NLGN4X: variants seen among roughly 807,000 people sequenced by gnomAD.
NLGN4X encodes neuroligin 4 X-linked.
In NLGN4X, 3 loss-of-function variants were observed where a neutral mutation model predicts 40.3. The ratio of observed to expected loss-of-function variants is 0.07; its 90% confidence interval spans 0.03 to 0.19. The LOEUF is 0.19. NLGN4X is among the 10% of genes least tolerant of loss of function. NLGN4X has a pLI of 1.00. For synonymous variants in NLGN4X, 270 were observed against 306.8 expected (o/e 0.88, Z 1.25); for missense variants, 382 against 708.3 (o/e 0.54, Z 5.23).
At position 6,071,375 on chromosome X, in the gene NLGN4X, A is replaced by G. The variant is rs943528459; in HGVS notation, c.473-41943T>C. ...TTAGCGGTGGGGCGGGGGGAGAGTA[A>G]TACGCCCATTTTAGGTTAACTTTAT... On this transcript the variant is annotated intron_variant, in intron 2 of 5. Transcript: ENST00000381095. 2.7e-5 allele frequency among the ~76,000 whole-genome samples: 3 copies of G among 111,388 alleles called. No individual in the cohort carries two copies. The Admixed American group carries it at 2.9e-4, about 11-fold the overall frequency.
At chrX:5,906,878 G>T in intron 4 of NLGN4X, among the ~76,000 whole-genome samples, 1 of 110,895 alleles carries the variant, frequency 9.0e-6, no homozygotes, top group East Asian at 2.8e-4. Flanking sequence ...CAGGAAGTTC[G>T]AGACTAGCCT....
chrX:6,102,725 T>C (rs897146197), intron 2 of NLGN4X, among the ~76,000 whole-genome samples: 1 of 110,518 alleles, frequency 9.0e-6, no homozygotes, highest in Non-Finnish European at 1.9e-5. Flanking sequence ...ATAGATAAGA[T>C]AGATCGATAT....
chrX:5,895,863 GA>G, intron 5 of NLGN4X, among the ~76,000 whole-genome samples: 1 of 111,374 alleles, frequency 9.0e-6, no homozygotes, highest in Non-Finnish European at 1.9e-5. Flanking sequence ...ACATGGTTTT[GA>G]AAAAATGTTG....
intron 3 of NLGN4X, among the ~76,000 whole-genome samples, chrX:6,024,296 G>T (rs1320001013): frequency 1.8e-5 from 2 of 111,735 alleles, no homozygotes; most frequent in African/African-American, 6.5e-5. Flanking sequence ...GCTCAGCAAG[G>T]ATTTTGCTGG....
At chrX:6,155,316 C>G (rs1208070492) in intron 1 of NLGN4X, among the ~76,000 whole-genome samples, 1 of 111,936 alleles carries the variant, frequency 8.9e-6, no homozygotes. Flanking sequence ...AAAACAAAAG[C>G]AACAGAATCT....
At chrX:6,147,685 C>T (rs920205237) in intron 2 of NLGN4X, among the ~76,000 whole-genome samples, 1 of 109,100 alleles carries the variant, frequency 9.2e-6, no homozygotes, top group African/African-American at 3.3e-5. Flanking sequence ...CTGTCACATA[C>T]ACACACACAC....
At chrX:5,901,738 C>G (rs1466560255) in intron 5 of NLGN4X, among the ~76,000 whole-genome samples, 1 of 107,855 alleles carries the variant, frequency 9.3e-6, no homozygotes, top group Non-Finnish European at 1.9e-5. Context: ...TTTTCTCTCT[C>G]TAGTTATTTA....
chrX:6,068,302 C>A (rs2037975471), intron 2 of NLGN4X, among the ~76,000 whole-genome samples: 1 of 111,686 alleles, frequency 9.0e-6, no homozygotes, highest in South Asian at 3.8e-4. Context: ...CATAGGTTTG[C>A]CAGCTCCTGA....
At chrX:5,916,989 C>T (rs41497347) in intron 3 of NLGN4X, among the ~76,000 whole-genome samples, 8,116 of 112,113 alleles carry the variant, frequency 0.072, 720 homozygotes, top group African/African-American at 0.25. Context: ...CCCATGTGAC[C>T]TTCTCAAGGG....
chrX:5,922,122 T>C (rs2033093449), intron 3 of NLGN4X, among the ~76,000 whole-genome samples: 2 of 111,767 alleles, frequency 1.8e-5, no homozygotes, highest in Non-Finnish European at 3.8e-5. Context: ...TTTTTCTCTC[T>C]CTTTTTGCTT....
chrX:5,976,495 G>A (rs996044991), intron 3 of NLGN4X, among the ~76,000 whole-genome samples: 7 of 111,981 alleles, frequency 6.3e-5, no homozygotes, highest in South Asian at 3.7e-4. Context: ...CCTCTCTCCC[G>A]CTGTGAAATC....
chrX:6,035,786 G>A (rs1463885469), intron 2 of NLGN4X, among the ~76,000 whole-genome samples: 2 of 111,489 alleles, frequency 1.8e-5, no homozygotes, highest in African/African-American at 6.5e-5. Flanking sequence ...CTGAAGATGA[G>A]GATGAAGATC....
chrX:6,070,843 C>A (rs2038045188), intron 2 of NLGN4X, among the ~76,000 whole-genome samples: 1 of 111,462 alleles, frequency 9.0e-6, no homozygotes, highest in Non-Finnish European at 1.9e-5. Context: ...ACCTGCCAGA[C>A]ACTTTTAAAA....
chrX:5,968,822 A>G (rs1190549401), intron 3 of NLGN4X, among the ~76,000 whole-genome samples: 4 of 109,178 alleles, frequency 3.7e-5, no homozygotes, highest in Non-Finnish European at 7.6e-5. Flanking sequence ...GCTGTGTTCA[A>G]TGTCTCCCCC....
chrX:5,936,033 A>C (rs2033719072), intron 3 of NLGN4X, among the ~76,000 whole-genome samples: 1 of 112,233 alleles, frequency 8.9e-6, no homozygotes, highest in African/African-American at 3.2e-5. Context: ...GGGAATCCCA[A>C]AATCTTCGTG....
At chrX:6,058,826 C>T (rs2037698936) in intron 2 of NLGN4X, among the ~76,000 whole-genome samples, 1 of 111,971 alleles carries the variant, frequency 8.9e-6, no homozygotes, top group South Asian at 3.7e-4. Context: ...ATAATAAAAA[C>T]ACTTAAGTGA....
chrX:6,076,727 A>G (rs1212241845), intron 2 of NLGN4X, among the ~76,000 whole-genome samples: 1 of 112,449 alleles, frequency 8.9e-6, no homozygotes, highest in Admixed American at 9.4e-5. Context: ...TCAGATGAAT[A>G]CATCTGGCAT....
chrX:6,159,067 T>C (rs2040331638), intron 1 of NLGN4X, among the ~76,000 whole-genome samples: 1 of 112,255 alleles, frequency 8.9e-6, no homozygotes, highest in Non-Finnish European at 1.9e-5. Context: ...AAAATACAGA[T>C]ATATGGAGGA....
chrX:5,919,691 A>G (rs1175199068), intron 3 of NLGN4X, among the ~76,000 whole-genome samples: 1 of 111,465 alleles, frequency 9.0e-6, no homozygotes, highest in East Asian at 2.8e-4. Flanking sequence ...TGAGGGATCT[A>G]GGTTGCCTGC....
Sources: gnomAD v4.1 joint callset for allele counts (sites outside exome capture counted in the v4.1 genomes callset) on GRCh38, gnomAD v4.1.1 for gene constraint, MANE v1.5 for transcripts, NCBI Gene and HGNC (gene_info 2026-07-23, HGNC 2026-07-21) for gene names.